The following OPCML variants were observed in gnomAD, a reference collection of about 807,000 sequenced individuals.
OPCML encodes the protein opioid binding protein/cell adhesion molecule like.
In OPCML, 13 loss-of-function variants were observed where a neutral mutation model predicts 37.8. That is an observed-to-expected ratio of 0.34 (90% CI 0.22 to 0.55). The LOEUF (loss-of-function observed/expected upper bound fraction) is 0.55, where lower values mean the gene tolerates loss of function less well. Ranked by LOEUF, OPCML falls within the 20% of genes least tolerant of loss-of-function variation. OPCML has a pLI of 0.91. For synonymous variants in OPCML, 176 were observed against 168.8 expected (o/e 1.04, Z -0.33); for missense variants, 341 against 435.6 (o/e 0.78, Z 1.93).
chr11:133,057,032 C>T (rs1344845726), intron 1 of OPCML, among the ~76,000 whole-genome samples: 2 of 152,006 alleles, frequency 1.3e-5, no homozygotes, highest in African/African-American at 4.8e-5. Flanking sequence ...TTAGTAGAGA[C>T]GGGGTTTCTC....
chr11:133,362,825 A>G (rs892976139), intron 1 of OPCML, among the ~76,000 whole-genome samples: 2 of 151,758 alleles, frequency 1.3e-5, no homozygotes, highest in Non-Finnish European at 2.9e-5. Flanking sequence ...TAATCCCACT[A>G]CCTACCTTCT....
At chr11:133,277,264 G>C (rs1942020565) in intron 1 of OPCML, among the ~76,000 whole-genome samples, 1 of 152,096 alleles carries the variant, frequency 6.6e-6, no homozygotes, top group African/African-American at 2.4e-5. Context: ...TTGCCTCCCT[G>C]TTCTGAAGTT....
intron 1 of OPCML, among the ~76,000 whole-genome samples, chr11:133,051,113 T>A (rs1240564737): frequency 6.6e-6 from 1 of 151,896 alleles, no homozygotes; most frequent in Non-Finnish European, 1.5e-5. Context: ...CCTCTGAATA[T>A]TCAGACCAAA....
intron 4 of OPCML, among the ~76,000 whole-genome samples, chr11:132,516,823 C>G (rs2096280986): frequency 6.6e-6 from 1 of 152,048 alleles, no homozygotes; most frequent in Non-Finnish European, 1.5e-5. Flanking sequence ...GTGATGACCC[C>G]CTGGTGTTAA....
intron 2 of OPCML, among the ~76,000 whole-genome samples, chr11:132,669,658 A>T (rs1942372985): frequency 6.6e-6 from 1 of 152,210 alleles, no homozygotes; most frequent in Non-Finnish European, 1.5e-5. Context: ...ATCGTGACTC[A>T]CTTAAATGGT....
chr11:133,285,513 A>T (rs1303705315), intron 1 of OPCML, among the ~76,000 whole-genome samples: 1 of 152,176 alleles, frequency 6.6e-6, no homozygotes, highest in African/African-American at 2.4e-5. Flanking sequence ...AAATAGTGTC[A>T]GACCTAACGA....
chr11:133,369,414 G>A (rs1236633495), intron 1 of OPCML, among the ~76,000 whole-genome samples: 2 of 152,114 alleles, frequency 1.3e-5, no homozygotes, highest in Non-Finnish European at 2.9e-5. Context: ...ATTTCCAAAA[G>A]CAAGAAAGGC....
intron 2 of OPCML, among the ~76,000 whole-genome samples, chr11:132,835,250 C>A (rs1940942639): frequency 6.6e-6 from 1 of 152,216 alleles, no homozygotes; most frequent in Admixed American, 6.5e-5. Context: ...CACATCCACT[C>A]AGGAGAGCAG....
intron 4 of OPCML, among the ~76,000 whole-genome samples, chr11:132,522,362 T>C (rs577450826): frequency 6.6e-5 from 10 of 152,274 alleles, no homozygotes; most frequent in Non-Finnish European, 1.2e-4. Context: ...GGTAATAAAA[T>C]AGTAAAAATT....
rs569404898 is a variant in OPCML at position 132,615,699 on chromosome 11, G to T, written c.379+41388C>A. On this transcript the variant is annotated intron_variant, in intron 3 of 7. Transcript: ENST00000524381. ...TGAGCATCTGCTGATTTTGGTGTCT[G>T]TTGGGGTCCTGGATCCAGTGCTGCA... 4.9e-4 allele frequency among the ~76,000 whole-genome samples: 75 copies of T among 152,300 alleles called. 1 individual carries two copies. In the South Asian group the frequency reaches 8.5e-3, roughly 17 times the overall value.
chr11:133,142,281 T>C (rs905719634), intron 1 of OPCML, among the ~76,000 whole-genome samples: 4 of 152,234 alleles, frequency 2.6e-5, no homozygotes, highest in Non-Finnish European at 5.9e-5. Context: ...AGCTTGGCAC[T>C]CAATGTTCTT....
chr11:133,021,661 T>C lies in OPCML; in HGVS notation c.62-78651A>G, dbSNP rs1322968879. On this transcript the variant is annotated intron_variant, in intron 1 of 7. Transcript: ENST00000524381. ...AAAAGTGGCAATAAGGGGATGTCAT[T>C]TCTAATCTTGTCCCAGCATTCCAGC... Among the ~76,000 whole-genome samples the C allele has an allele frequency of 1.5e-3, 27 of 17,734 alleles. No homozygotes were observed. The Admixed American group carries it at 0.027, about 18-fold the overall frequency. The allele number at this position is 17,734 out of a possible 152,430, so 11.6% of individuals were successfully genotyped here.
At chr11:133,078,925 A>G (rs1948666908) in intron 1 of OPCML, among the ~76,000 whole-genome samples, 3 of 152,152 alleles carry the variant, frequency 2.0e-5, no homozygotes. Flanking sequence ...ACTAGGGGTT[A>G]TAAACGACAG....
chr11:132,816,003 A>G (rs1407611297), intron 2 of OPCML, among the ~76,000 whole-genome samples: 1 of 152,232 alleles, frequency 6.6e-6, no homozygotes, highest in Non-Finnish European at 1.5e-5. Flanking sequence ...ATTTTTCTCT[A>G]CATAAAATAG....
At chr11:133,157,189 C>T (rs190293361) in intron 1 of OPCML, among the ~76,000 whole-genome samples, 201 of 152,290 alleles carry the variant, frequency 1.3e-3, no homozygotes, top group Non-Finnish European at 2.3e-3. Flanking sequence ...AAAGTCGGCG[C>T]GCACACGGTG....
At chr11:132,673,079 A>G (rs917917187) in intron 2 of OPCML, among the ~76,000 whole-genome samples, 10 of 152,172 alleles carry the variant, frequency 6.6e-5, no homozygotes, top group African/African-American at 2.4e-4. Context: ...AATGCATATT[A>G]GCAATAAGGT....
chr11:133,075,863 G>A (rs1948613426), intron 1 of OPCML, among the ~76,000 whole-genome samples: 1 of 152,154 alleles, frequency 6.6e-6, no homozygotes, highest in African/African-American at 2.4e-5. Context: ...GGAATCTGCA[G>A]CAATCAAACC....
At chr11:133,353,008 C>T (rs1944176285) in intron 1 of OPCML, among the ~76,000 whole-genome samples, 1 of 152,138 alleles carries the variant, frequency 6.6e-6, no homozygotes. Context: ...CGACAGGTGC[C>T]CAATAAATGT....
chr11:133,294,112 C>T (rs1387230092), intron 1 of OPCML, among the ~76,000 whole-genome samples: 1 of 151,764 alleles, frequency 6.6e-6, no homozygotes, highest in East Asian at 2.0e-4. Context: ...AGAAGCACCG[C>T]CTCCCTGAAA....
Sources: allele counts gnomAD v4.1 joint callset (sites outside exome capture counted in the v4.1 genomes callset), GRCh38; gene constraint gnomAD v4.1.1; transcripts MANE v1.5; gene names NCBI Gene and HGNC (gene_info 2026-07-23, HGNC 2026-07-21).